Variants in TOPAZ1 observed in about 807,000 individuals in gnomAD.
The protein encoded by TOPAZ1 is protein TOPAZ1.
In TOPAZ1, 66 loss-of-function variants were observed where a neutral mutation model predicts 172.2. The ratio of observed to expected loss-of-function variants is 0.38; its 90% CI spans 0.31 to 0.47. The LOEUF (loss-of-function observed/expected upper bound fraction) is 0.47. Ranked by LOEUF, TOPAZ1 falls within the 20% of genes least tolerant of loss-of-function variation. The pLI, the probability that TOPAZ1 is intolerant of heterozygous loss-of-function variation, is 0.99. For synonymous variants in TOPAZ1, 681 were observed against 683.9 expected, an observed-to-expected ratio of 1.00 and a Z score of 0.07; for missense variants, 1,822 against 1,972.4, an observed-to-expected ratio of 0.92 and a Z score of 1.44.
chr3:44,315,724 C>T (rs980894529), intron 16 of TOPAZ1, among the ~76,000 whole-genome samples: 2 of 152,016 alleles, frequency 1.3e-5, no homozygotes, highest in African/African-American at 4.8e-5. Context: ...TGTGTTAGCC[C>T]AGGCCATCTT....
Sources: allele counts gnomAD v4.1 joint callset (sites outside exome capture counted in the v4.1 genomes callset), GRCh38; gene constraint gnomAD v4.1.1; transcripts MANE v1.5; gene names NCBI Gene and HGNC (gene_info 2026-07-23, HGNC 2026-07-21).